The following DOCK9 variants were observed in gnomAD, a reference collection of about 807,000 sequenced individuals.
DOCK9 encodes dedicator of cytokinesis 9, also known as dedicator of cytokinesis protein 9.
DOCK9 carries 89 observed loss-of-function variants against 263.3 expected under a neutral mutation model. The ratio of observed to expected loss-of-function variants is 0.34; its 90% CI spans 0.28 to 0.40. The LOEUF (loss-of-function observed/expected upper bound fraction) is 0.40. Among genes scored for constraint, DOCK9 ranks in the 10% least tolerant of loss-of-function variants. The pLI is 1.00. For synonymous variants in DOCK9, 976 were observed against 973.1 expected (o/e 1.00, Z -0.06); for missense variants, 2,140 against 2,603.4 (o/e 0.82, Z 3.87).
intron 2 of DOCK9, among the ~76,000 whole-genome samples, chr13:98,933,106 A>T (rs932704366): frequency 3.9e-5 from 6 of 152,224 alleles, no homozygotes; most frequent in African/African-American, 1.2e-4. Flanking sequence ...TGGGTCTTTC[A>T]AGATTTTTGA....
At chr13:98,801,262 G>A (rs1187778321) in intron 49 of DOCK9, among the ~76,000 whole-genome samples, 1 of 152,132 alleles carries the variant, frequency 6.6e-6, no homozygotes, top group Non-Finnish European at 1.5e-5. Context: ...TCCAGCCTGG[G>A]CTACAGAGTG....
intron 45 of DOCK9, among the ~76,000 whole-genome samples, chr13:98,822,209 T>C (rs2092314068): frequency 6.6e-6 from 1 of 152,222 alleles, no homozygotes; most frequent in South Asian, 2.1e-4. Flanking sequence ...CGAATCCGTC[T>C]TCTGAAAATA....
chr13:98,856,902 T>G (rs2093720098), intron 33 of DOCK9: 1 of 152,122 alleles, frequency 6.6e-6, no homozygotes, highest in African/African-American at 2.4e-5. Context: ...GGGGAATATC[T>G]GGGAATCTGC....
At chr13:98,837,814 CTT>C (rs2093063876) in intron 38 of DOCK9, among the ~76,000 whole-genome samples, 1 of 151,930 alleles carries the variant, frequency 6.6e-6, no homozygotes, top group Non-Finnish European at 1.5e-5. Context: ...ACAATTATAA[CTT>C]TTTTCCCACT....
At chr13:99,082,613 T>C (rs1207524158) in intron 1 of DOCK9, among the ~76,000 whole-genome samples, 5 of 151,966 alleles carry the variant, frequency 3.3e-5, no homozygotes, top group African/African-American at 9.7e-5. Context: ...TAAGGGACTC[T>C]AGAAAAACCG....
chr13:98,862,781 T>C (rs1465076316), intron 32 of DOCK9, among the ~76,000 whole-genome samples: 1 of 151,840 alleles, frequency 6.6e-6, no homozygotes, highest in African/African-American at 2.4e-5. Flanking sequence ...ACTGGCGCGA[T>C]GCCACTACAA....
At chr13:98,977,387 C>T (rs1193172965) in intron 1 of DOCK9, among the ~76,000 whole-genome samples, 2 of 152,188 alleles carry the variant, frequency 1.3e-5, no homozygotes, top group Non-Finnish European at 2.9e-5. Context: ...GGACCTGCCT[C>T]ATTTTCTCAA....
At chr13:98,845,840 T>A in intron 38 of DOCK9, 84 bp downstream of exon 38, 1 of 1,524,788 alleles carries the variant, frequency 6.6e-7, no homozygotes, top group Non-Finnish European at 8.9e-7. Flanking sequence ...GAGTTGGTGA[T>A]GTGGTAGGTG....
intron 1 of DOCK9, among the ~76,000 whole-genome samples, chr13:98,976,067 CTCT>C (rs76554703): frequency 0.044 from 6,698 of 152,332 alleles, 203 homozygotes; most frequent in East Asian, 0.11. Flanking sequence ...CTGACATTAG[CTCT>C]TCTTATCTTG....
chr13:98,831,769 GT>G lies in DOCK9; in HGVS notation c.4331del (p.Asp1444AlafsTer8). ...TLAFKNQLLA[D>X]HGHNPLMKKV... is the part of the protein sequence containing the mutation. ...TTTTCATGAGAGGATTATGTCCATG[GT>G]CGGCCAGGAGCTGGTTCTTAAAACA... On this transcript the variant is annotated frameshift_variant, in exon 40 of 53. Transcript: ENST00000682017. LOFTEE classifies it high-confidence loss of function. 2 of 1,613,942 alleles carry G rather than the reference GT, an allele frequency of 1.2e-6. No individual in the cohort carries two copies. Among genetic ancestry groups the G allele is most frequent in the Non-Finnish European group, 1.7e-6 (2 of 1,179,872 alleles).
intron 52 of DOCK9, among the ~76,000 whole-genome samples, chr13:98,795,378 G>C (rs944062230): frequency 6.6e-6 from 1 of 152,206 alleles, no homozygotes; most frequent in Non-Finnish European, 1.5e-5. Context: ...GGAAGGATCT[G>C]AGTGTAGGTC....
At chr13:98,893,930 T>C (rs2047003737) in intron 15 of DOCK9, among the ~76,000 whole-genome samples, 1 of 152,228 alleles carries the variant, frequency 6.6e-6, no homozygotes, top group South Asian at 2.1e-4. Context: ...TTCAGGTTTC[T>C]GGGTCTCTAA....
rs1156800908 is a variant in DOCK9 at position 98,810,025 on chromosome 13, A to T, written c.5253+144T>A. The T allele has an allele frequency of 9.3e-6, 11 of 1,182,212 alleles. No individual in the cohort carries two copies. In the Admixed American group the frequency reaches 1.8e-4, roughly 20 times the overall value. The allele number at this position is 1,182,212 out of a possible 1,614,324, so 73.2% of individuals were successfully genotyped here. A position where few individuals can be genotyped will look rare whatever the true frequency, so the allele number is the denominator to read the frequency against. ...TATTTGGAGATGATGACTGGCCACC[A>T]CCTTCAGCGTAACGTGGAGGGTCAG... On this transcript the variant is annotated intron_variant, in intron 46 of 52. Coordinates refer to ENST00000682017, the MANE Select transcript of DOCK9 (RefSeq NM_001366683.2).
At chr13:99,064,693 G>A (rs186892428) in intron 1 of DOCK9, among the ~76,000 whole-genome samples, 1 of 152,184 alleles carries the variant, frequency 6.6e-6, no homozygotes, top group African/African-American at 2.4e-5. Context: ...GCATGGAAAG[G>A]ACATTCCTGA....
intron 7 of DOCK9, among the ~76,000 whole-genome samples, chr13:98,916,083 T>C (rs529377353): frequency 2.0e-5 from 3 of 152,326 alleles, no homozygotes; most frequent in East Asian, 3.9e-4. Context: ...CCAGTTTTCA[T>C]GCCTGCAAGA....
At chr13:99,008,393 C>G (rs1284060840) in intron 1 of DOCK9, among the ~76,000 whole-genome samples, 1 of 151,810 alleles carries the variant, frequency 6.6e-6, no homozygotes, top group African/African-American at 2.4e-5. Context: ...GCCACCACAC[C>G]CAGCTAATTT....
chr13:98,996,033 T>C (rs1344596283), intron 1 of DOCK9, among the ~76,000 whole-genome samples: 1 of 152,088 alleles, frequency 6.6e-6, no homozygotes, highest in Non-Finnish European at 1.5e-5. Context: ...GGCAGGCATA[T>C]TGAGGATTGT....
At position 99,038,293 on chromosome 13, in the gene DOCK9, T is replaced by TGGC. The variant is rs1566338412; in HGVS notation, c.129+47929_129+47930insGCC. 1.6e-3 allele frequency among the ~76,000 whole-genome samples: 87 copies of TGGC among 55,958 alleles called. 11 individuals are homozygous for TGGC. Among genetic ancestry groups the TGGC allele is most frequent in the African/African-American group, 4.8e-3 (61 of 12,678 alleles). The allele number at this position is 55,958 out of a possible 152,430, so 36.7% of individuals were successfully genotyped here. On this transcript the variant is annotated intron_variant, in intron 1 of 32. Transcript: ENST00000427887. ...AAAACTGGCTTTATGCCCCCCTTTT[T>TGGC]TTTTTTTTTTTTTTTTTTTTTTTTT...
At chr13:98,953,388 T>G (rs1338577287) in intron 2 of DOCK9, among the ~76,000 whole-genome samples, 2 of 152,192 alleles carry the variant, frequency 1.3e-5, no homozygotes, top group African/African-American at 2.4e-5. Flanking sequence ...GACACAGAAG[T>G]TTTCTCAAAG....
Sources: gnomAD v4.1 joint callset for allele counts (sites outside exome capture counted in the v4.1 genomes callset) on GRCh38, gnomAD v4.1.1 for gene constraint, MANE v1.5 for transcripts, NCBI Gene and HGNC (gene_info 2026-07-23, HGNC 2026-07-21) for gene names.